MARCHF1: variants seen among roughly 807,000 people sequenced by gnomAD.
The protein encoded by MARCHF1 is E3 ubiquitin-protein ligase MARCHF1.
MARCHF1 carries 40 observed loss-of-function variants against 54.2 expected under a neutral mutation model. The observed-to-expected ratio is 0.74, with a 90% CI of 0.57 to 0.96. The LOEUF is 0.96. Ranked by LOEUF, MARCHF1 falls within the 40% of genes least tolerant of loss-of-function variation. The probability of loss-of-function intolerance (pLI) is 0.00; values close to 1 mark genes in which losing one functional copy is unlikely to be tolerated. For missense variants in MARCHF1, 586 were observed against 656.5 expected (o/e 0.89, Z 1.17); for synonymous variants, 236 against 236.3 (o/e 1.00, Z 0.01).
At position 164,100,915 on chromosome 4, in the gene MARCHF1, C is replaced by T. The variant is rs1018198292; in HGVS notation, c.-248+10673G>A. Among the ~76,000 whole-genome samples, 16 of 152,168 alleles carry T rather than the reference C, an allele frequency of 1.1e-4. No homozygotes were observed. The East Asian group carries it at 1.9e-3, about 18-fold the overall frequency. The stretch of plus-strand genomic sequence containing the variant: ...GGTCAGTGGGTGCGCGCACAGTGCG[C>T]GAGCCGAAGTAGGGCGAGGCATTGC... On this transcript the variant is annotated intron_variant, in intron 2 of 9. Transcript: ENST00000514618.
intron 2 of MARCHF1, among the ~76,000 whole-genome samples, chr4:164,078,436 T>G (rs2111107522): frequency 6.6e-6 from 1 of 152,184 alleles, no homozygotes; most frequent in East Asian, 1.9e-4. Context: ...AGATGACAGG[T>G]TGATGGGTAC....
chr4:164,380,237 G>A (rs1168876325), intron 1 of MARCHF1, among the ~76,000 whole-genome samples: 1 of 152,002 alleles, frequency 6.6e-6, no homozygotes, highest in South Asian at 2.1e-4. Flanking sequence ...TCACACATTA[G>A]GTTCACCTCT....
intron 1 of MARCHF1, among the ~76,000 whole-genome samples, chr4:164,262,621 C>A (rs927054994): frequency 1.1e-4 from 17 of 152,148 alleles, no homozygotes; most frequent in African/African-American, 3.9e-4. Flanking sequence ...GAGAGAAATG[C>A]TCAAGTGATG....
At chr4:163,721,176 A>G (rs1745444022) in intron 4 of MARCHF1, among the ~76,000 whole-genome samples, 1 of 152,280 alleles carries the variant, frequency 6.6e-6, no homozygotes, top group African/African-American at 2.4e-5. Context: ...TGTCATAAAT[A>G]TCTCTTATTA....
chr4:163,643,765 C>T (rs1368713714), intron 5 of MARCHF1, among the ~76,000 whole-genome samples: 9 of 151,872 alleles, frequency 5.9e-5, no homozygotes, highest in African/African-American at 2.2e-4. Flanking sequence ...ACATTCTTTC[C>T]TTTATTTGAG....
At position 163,795,905 on chromosome 4, in the gene MARCHF1, A is replaced by G. The variant is rs529157079; in HGVS notation, c.111+58116T>C. On this transcript the variant is annotated intron_variant, in intron 4 of 9. Transcript: ENST00000514618. ...ATATTTTGCACATTATATGTATTAT[A>G]TATGGTATCTTACAATAAAGTAAGC... Among the ~76,000 whole-genome samples, 7 of 152,300 alleles carry G rather than the reference A, an allele frequency of 4.6e-5. No individual in the cohort carries two copies. In the East Asian group the frequency reaches 1.4e-3, roughly 29 times the overall value.
intron 5 of MARCHF1, among the ~76,000 whole-genome samples, chr4:163,618,605 T>C (rs1327346249): frequency 6.6e-6 from 1 of 152,162 alleles, no homozygotes; most frequent in East Asian, 1.9e-4. Context: ...TCTGCTAAAA[T>C]AGCATCAAAA....
At chr4:163,597,911 C>T in intron 7 of MARCHF1, among the ~76,000 whole-genome samples, 1 of 152,110 alleles carries the variant, frequency 6.6e-6, no homozygotes. Context: ...CTTGCAGGTG[C>T]CAACCCTATG....
At position 163,821,646 on chromosome 4, in the gene MARCHF1, AT is replaced by A. The variant is rs199737508; in HGVS notation, c.111+32374del. Among the ~76,000 whole-genome samples the A allele has an allele frequency of 4.2e-3, 637 of 152,086 alleles. 3 individuals carry two copies. The highest frequency in any genetic ancestry group is 0.015 in the African/African-American group (603 of 41,516). ...TGCTTTAATTAGTTTTTAGGTTCTA[AT>A]TTTTTATTTTCCAATTTCATTTAGA... On this transcript the variant is annotated intron_variant, in intron 4 of 9. Transcript: ENST00000514618.
chr4:164,139,355 T>C (rs1160031114), intron 1 of MARCHF1, among the ~76,000 whole-genome samples: 4 of 152,114 alleles, frequency 2.6e-5, no homozygotes, highest in Non-Finnish European at 5.9e-5. Context: ...GTTTTGAAAA[T>C]CTCATATTCA....
intron 1 of MARCHF1, among the ~76,000 whole-genome samples, chr4:164,290,855 C>G (rs1268539994): frequency 6.6e-6 from 1 of 151,832 alleles, no homozygotes; most frequent in African/African-American, 2.4e-5. Context: ...TTGTGTTTAA[C>G]TTCTAGAAAT....
intron 1 of MARCHF1, among the ~76,000 whole-genome samples, chr4:164,211,327 G>T (rs985042120): frequency 7.5e-5 from 4 of 53,514 alleles, no homozygotes; most frequent in Non-Finnish European, 1.5e-4. Flanking sequence ...GTGTATGTAT[G>T]TATGTATATA....
intron 4 of MARCHF1, among the ~76,000 whole-genome samples, chr4:163,846,655 T>A (rs1403108088): frequency 6.6e-6 from 1 of 152,130 alleles, no homozygotes; most frequent in Non-Finnish European, 1.5e-5. Context: ...TTTGTAATCA[T>A]TTTAGTTTCT....
chr4:164,346,658 A>G (rs577457313), intron 1 of MARCHF1, among the ~76,000 whole-genome samples: 1,965 of 56,532 alleles, frequency 0.035, 170 homozygotes, highest in African/African-American at 0.096. Context: ...ATATATATAT[A>G]TATATATATA....
At chr4:163,586,341 G>A (rs139675743) in intron 7 of MARCHF1, among the ~76,000 whole-genome samples, 8 of 152,106 alleles carry the variant, frequency 5.3e-5, no homozygotes, top group Non-Finnish European at 1.0e-4. Flanking sequence ...AGGATATCTC[G>A]TTATGTATGT....
chr4:164,253,380 C>G (rs868262884), intron 1 of MARCHF1, among the ~76,000 whole-genome samples: 3 of 152,034 alleles, frequency 2.0e-5, no homozygotes, highest in African/African-American at 4.8e-5. Context: ...GAGTAGAAAA[C>G]CTTCAGAAGG....
chr4:163,606,903 A>C (rs532470302), intron 7 of MARCHF1, among the ~76,000 whole-genome samples: 1 of 152,212 alleles, frequency 6.6e-6, no homozygotes, highest in East Asian at 1.9e-4. Context: ...GACCTAGGGC[A>C]GGCTAATTAT....
intron 4 of MARCHF1, among the ~76,000 whole-genome samples, chr4:163,850,376 T>C (rs1349989485): frequency 1.3e-5 from 2 of 152,186 alleles, no homozygotes; most frequent in African/African-American, 2.4e-5. Context: ...AATTCCAGCC[T>C]CCTCCCTCTG....
At chr4:163,663,311 C>A (rs936266921) in intron 5 of MARCHF1, among the ~76,000 whole-genome samples, 2 of 151,248 alleles carry the variant, frequency 1.3e-5, no homozygotes, top group Non-Finnish European at 2.9e-5. Flanking sequence ...TGGGCACTGA[C>A]ACCCTTGCCA....
Sources: gnomAD v4.1 joint callset for allele counts (sites outside exome capture counted in the v4.1 genomes callset) on GRCh38, gnomAD v4.1.1 for gene constraint, MANE v1.5 for transcripts, NCBI Gene and HGNC (gene_info 2026-07-23, HGNC 2026-07-21) for gene names.